Variants in FRMD3 observed in about 807,000 individuals in gnomAD.
FRMD3 encodes the protein FERM domain-containing protein 3.
A neutral mutation model predicts 70.2 loss-of-function variants in FRMD3; 33 were observed. That is an observed-to-expected ratio of 0.47 (90% CI 0.36 to 0.63). The LOEUF is 0.63. Ranked by LOEUF, FRMD3 falls within the 20% of genes least tolerant of loss-of-function variation. The pLI, the probability that FRMD3 is intolerant of heterozygous loss-of-function variation, is 0.00. For missense variants in FRMD3, 632 were observed against 711.4 expected (o/e 0.89, Z 1.27); for synonymous variants, 279 against 255.9 (o/e 1.09, Z -0.86).
intron 13 of FRMD3, among the ~76,000 whole-genome samples, chr9:83,259,842 C>G (rs1832903536): frequency 6.6e-6 from 1 of 152,030 alleles, no homozygotes; most frequent in African/African-American, 2.4e-5. Context: ...AATACTTGCT[C>G]TGGGAGGCAT....
At chr9:83,442,311 G>A (rs1020715516) in intron 1 of FRMD3, among the ~76,000 whole-genome samples, 18 of 147,148 alleles carry the variant, frequency 1.2e-4, no homozygotes, top group African/African-American at 4.5e-4. Flanking sequence ...AGGCTGGAGT[G>A]CAGTGGTGCG....
chr9:83,267,539 C>T lies in FRMD3; in HGVS notation c.1196-19023G>A, dbSNP rs142747514. 2.0e-5 allele frequency among the ~76,000 whole-genome samples: 3 copies of T among 152,224 alleles called. No homozygotes were observed. The East Asian group carries it at 5.8e-4, about 29-fold the overall frequency. ...CCACTTTTTCTTCTAAAAATTGCTC[C>T]TCCAGCCTTTATTATATTCTACAGC... On this transcript the variant is annotated intron_variant, in intron 13 of 13. Coordinates refer to ENST00000304195, the MANE Select transcript of FRMD3 (RefSeq NM_174938.6).
intron 1 of FRMD3, among the ~76,000 whole-genome samples, chr9:83,512,584 G>A (rs989017151): frequency 2.0e-5 from 3 of 152,180 alleles, no homozygotes; most frequent in Non-Finnish European, 2.9e-5. Context: ...AGGGACTACT[G>A]TGGTAGCATA....
chr9:83,281,723 G>A (rs1018254621), intron 13 of FRMD3: 7 of 152,278 alleles, frequency 4.6e-5, no homozygotes, highest in African/African-American at 1.7e-4. Flanking sequence ...AAGGGAGCGA[G>A]CTTCCTGTGG....
At chr9:83,346,840 A>G (rs1352751555) in intron 4 of FRMD3, among the ~76,000 whole-genome samples, 2 of 152,172 alleles carry the variant, frequency 1.3e-5, no homozygotes, top group Non-Finnish European at 2.9e-5. Context: ...TGCATTTATA[A>G]CAAGTTCCCA....
At chr9:83,337,329 T>G (rs376743748) in intron 5 of FRMD3, among the ~76,000 whole-genome samples, 2 of 152,060 alleles carry the variant, frequency 1.3e-5, no homozygotes, top group East Asian at 3.9e-4. Flanking sequence ...CTTTCCAAAT[T>G]TATGTACTTC....
At chr9:83,355,156 T>A (rs1370720038) in intron 3 of FRMD3, among the ~76,000 whole-genome samples, 1 of 152,162 alleles carries the variant, frequency 6.6e-6, no homozygotes, top group Non-Finnish European at 1.5e-5. Context: ...TTCTCCAAGC[T>A]GCTAAGTGTC....
intron 1 of FRMD3, among the ~76,000 whole-genome samples, chr9:83,497,636 C>A (rs1828971337): frequency 6.6e-6 from 1 of 152,182 alleles, no homozygotes; most frequent in Non-Finnish European, 1.5e-5. Flanking sequence ...GGGGTGTGAG[C>A]AGAAGGGACT....
intron 5 of FRMD3, among the ~76,000 whole-genome samples, chr9:83,341,814 CAG>C (rs1032304320): frequency 2.6e-5 from 4 of 152,118 alleles, no homozygotes; most frequent in Admixed American, 2.6e-4. Context: ...TCGGAATTCT[CAG>C]AGAGACCAAA....
chr9:83,309,684 GGT>G, intron 9 of FRMD3, 60 bp from the exon 10 acceptor site: 1 of 1,098,362 alleles, frequency 9.1e-7, no homozygotes, highest in Non-Finnish European at 1.3e-6. Context: ...ATTTTCCATG[GGT>G]TTTTTTTTTT....
chr9:83,494,842 T>TGC (rs1828903765), intron 1 of FRMD3, among the ~76,000 whole-genome samples: 7 of 147,360 alleles, frequency 4.8e-5, no homozygotes, highest in Admixed American at 4.1e-4. Context: ...TATGTGTGTG[T>TGC]GTGTGTGTGT....
intron 1 of FRMD3, among the ~76,000 whole-genome samples, chr9:83,463,419 G>A (rs1212323005): frequency 6.6e-6 from 1 of 152,150 alleles, no homozygotes; most frequent in Non-Finnish European, 1.5e-5. Context: ...AGAAGGGGAA[G>A]CAAACACATC....
chr9:83,478,834 C>G (rs915640010), intron 1 of FRMD3, among the ~76,000 whole-genome samples: 1 of 152,036 alleles, frequency 6.6e-6, no homozygotes, highest in Non-Finnish European at 1.5e-5. Context: ...TGCCTTCAAG[C>G]AGAGTAAGGC....
intron 1 of FRMD3, among the ~76,000 whole-genome samples, chr9:83,531,976 T>A (rs763551581): frequency 3.3e-5 from 5 of 152,218 alleles, no homozygotes; most frequent in African/African-American, 7.2e-5. Context: ...AGTCATTTGA[T>A]TCTAAGTCAA....
chr9:83,345,431 T>C (rs546004945), intron 4 of FRMD3, among the ~76,000 whole-genome samples: 208 of 152,168 alleles, frequency 1.4e-3, no homozygotes, highest in African/African-American at 4.9e-3. Flanking sequence ...ATTCAAAGGG[T>C]CTTGGATGGG....
At chr9:83,467,617 C>A in intron 1 of FRMD3, 1 of 1,525,160 alleles carries the variant, frequency 6.6e-7, no homozygotes, top group Non-Finnish European at 8.8e-7. Flanking sequence ...CTGACACATA[C>A]CTTTGAAAGC....
intron 6 of FRMD3, among the ~76,000 whole-genome samples, chr9:83,315,535 T>C (rs1403940189): frequency 6.6e-6 from 1 of 152,140 alleles, no homozygotes; most frequent in East Asian, 1.9e-4. Context: ...AAGATCTGGT[T>C]GTTTACAAGT....
At position 83,337,677 on chromosome 9, in the gene FRMD3, A is replaced by G. The variant is rs1823625129; in HGVS notation, c.473-2038T>C. On this transcript the variant is annotated intron_variant, in intron 5 of 13. Coordinates refer to ENST00000304195, the MANE Select transcript of FRMD3 (RefSeq NM_174938.6). ...AAAAAAATTAGTATGCCTTGAGTGC[A>G]TCTGAAAAATTACATCCAACTCTGT... 2.0e-5 allele frequency among the ~76,000 whole-genome samples: 3 copies of G among 152,354 alleles called. No individual in the cohort carries two copies. The South Asian group carries it at 6.2e-4, about 32-fold the overall frequency.
intron 6 of FRMD3, among the ~76,000 whole-genome samples, chr9:83,332,627 G>A (rs1823426574): frequency 6.6e-6 from 1 of 152,142 alleles, no homozygotes; most frequent in Admixed American, 6.5e-5. Context: ...CCCTCCTGAG[G>A]TAAACATGTT....
Sources: allele counts gnomAD v4.1 joint callset (sites outside exome capture counted in the v4.1 genomes callset), GRCh38; gene constraint gnomAD v4.1.1; transcripts MANE v1.5; gene names NCBI Gene and HGNC (gene_info 2026-07-23, HGNC 2026-07-21).